Variants in MYH9 observed in about 807,000 individuals in gnomAD.
MYH9 encodes myosin heavy chain 9, also known as myosin-9.
MYH9 carries 29 observed loss-of-function variants against 241.9 expected under a neutral mutation model. That is an observed-to-expected ratio of 0.12 (90% CI 0.09 to 0.16). The LOEUF (loss-of-function observed/expected upper bound fraction) is 0.16, where lower values mean the gene tolerates loss of function less well. MYH9 is among the 10% of genes least tolerant of loss of function. The pLI is 1.00. For missense variants in MYH9, 1,803 were observed against 2,595.5 expected, an observed-to-expected ratio of 0.69 and a Z score of 6.63; for synonymous variants, 1,047 against 1,062.6, an observed-to-expected ratio of 0.99 and a Z score of 0.29.
rs2146337134 is a variant in MYH9, at chr22:36,293,949, C to T, written c.3838-86G>A. On this transcript the variant is annotated intron_variant, in intron 28 of 40. Coordinates refer to ENST00000216181, the MANE Select transcript of MYH9 (RefSeq NM_002473.6). This position sits in a 1 kb window ranked among gnomAD's most constrained non-coding sequence, Gnocchi z 5.1. Reference sequence around the variant, plus strand: ...TCATCTCCTTTAGGTAAAGCTGGACCTGAGTCACAAGCTGAACCATGAGGG... The same window carrying T: ...TCATCTCCTTTAGGTAAAGCTGGACTTGAGTCACAAGCTGAACCATGAGGG... The T allele has an allele frequency of 6.8e-7, 1 of 1,470,238 alleles. No homozygotes were observed. Among genetic ancestry groups the T allele is most frequent in the Non-Finnish European group, 9.4e-7 (1 of 1,069,282 alleles). 91.1% of individuals were successfully genotyped at this position (1,470,238 alleles called of 1,614,324 possible).
At chr22:36,374,066 AT>A (rs111444165) in intron 1 of MYH9, among the ~76,000 whole-genome samples, 1,904 of 142,840 alleles carry the variant, frequency 0.013, 18 homozygotes, top group African/African-American at 0.031. Context: ...CCCCCACCTT[AT>A]TTTTTTTTTT....
intron 10 of MYH9, among the ~76,000 whole-genome samples, chr22:36,319,148 T>C (rs566414976): frequency 2.6e-4 from 40 of 152,114 alleles, no homozygotes; most frequent in Non-Finnish European, 4.7e-4. Flanking sequence ...ATAACTTGCA[T>C]GGGGTCATTT....
At chr22:36,348,238 G>A (rs948152325) in intron 2 of MYH9, among the ~76,000 whole-genome samples, 4 of 150,996 alleles carry the variant, frequency 2.6e-5, no homozygotes, top group African/African-American at 9.7e-5. Context: ...GCCAGGTGCG[G>A]TGGCTCGCGC....
intron 3 of MYH9, among the ~76,000 whole-genome samples, chr22:36,333,394 G>A (rs569664229): frequency 6.6e-6 from 1 of 152,280 alleles, no homozygotes; most frequent in South Asian, 2.1e-4. Context: ...GCTTAGACCT[G>A]TGCCCTGTTG....
rs557772794 is a variant in MYH9 at position 36,362,025 on chromosome 22, C to T, written c.-19-12770G>A. On this transcript the variant is annotated intron_variant, in intron 1 of 40. Coordinates refer to ENST00000216181, the MANE Select transcript of MYH9 (RefSeq NM_002473.6). ...CAGAGGTTGCAGTGAGCCGAAATTG[C>T]GCCACTGTACTCCAGCCTGGGGGAC... 9.2e-5 allele frequency among the ~76,000 whole-genome samples: 14 copies of T among 152,198 alleles called. No homozygotes were observed. In the East Asian group the frequency reaches 9.7e-4, roughly 11 times the overall value.
chr22:36,311,448 C>T (rs2146353847), intron 14 of MYH9, among the ~76,000 whole-genome samples: 1 of 152,042 alleles, frequency 6.6e-6, no homozygotes, highest in East Asian at 1.9e-4. Flanking sequence ...GCTCCTAACT[C>T]TAGTGGGTAG....
chr22:36,306,476 C>T lies in MYH9; in HGVS notation c.1975G>A (p.Ala659Thr). The T allele has an allele frequency of 6.2e-7, 1 of 1,614,160 alleles. No individual in the cohort carries two copies. Among genetic ancestry groups the T allele is most frequent in the South Asian group, 1.1e-5 (1 of 91,080 alleles). ...LYKEQLAKLM[A>T]TLRNTNPNFV... ...TTGGGGTTCGTGTTCCTCAGCGTAG[C>T]CATCAGCTTGGCCAGCTGCTCCTTG... is the stretch of plus-strand genomic sequence containing the variant. The change falls in exon 16 of 41, where the codon GCT (alanine) becomes ACT (threonine). Residue 659 changes from alanine to threonine, a missense_variant. Ala to Thr is a moderately conservative substitution (Grantham distance 58, BLOSUM62 0). This residue lies in a region of MYH9 where 163 missense variants were observed against 349.7 expected (regional missense o/e 0.47). Transcript: ENST00000216181. The surrounding 1 kb of genome is among the most constrained non-coding windows in gnomAD (Gnocchi z 4.1).
intron 11 of MYH9, 128 bp downstream of exon 11, chr22:36,318,079 T>C: frequency 1.2e-6 from 1 of 837,542 alleles, no homozygotes; most frequent in East Asian, 2.4e-5. Context: ...CTGTGAGGAC[T>C]GCATCATGGA....
chr22:36,326,824 C>T (rs1181696972), intron 4 of MYH9, among the ~76,000 whole-genome samples, 163 bp from the exon 5 acceptor site: 1 of 152,222 alleles, frequency 6.6e-6, no homozygotes, highest in East Asian at 1.9e-4. Flanking sequence ...CTGGAATCCT[C>T]AGGCAGTTCA....
At chr22:36,371,998 C>T (rs2018097558) in intron 1 of MYH9, among the ~76,000 whole-genome samples, 1 of 151,912 alleles carries the variant, frequency 6.6e-6, no homozygotes, top group Admixed American at 6.6e-5. Flanking sequence ...TGATGTGTCC[C>T]CAGAACCTAG....
chr22:36,294,132 C>T lies in MYH9; in HGVS notation c.3797G>A (p.Arg1266His), dbSNP rs375738970. ...CTTGTCGGCCAGCTCTGTGCGCACG[C>T]GCTCTCCCTCGTTGAACTTGACCTG... is the stretch of plus-strand genomic sequence containing the variant. ...ELQVKFNEGE[R>H]VRTELADKVT... is the part of the protein sequence containing the mutation. The change falls in exon 28 of 41, where the codon CGC (arginine) becomes CAC (histidine). Residue 1266 changes from arginine (R) to histidine (H), a missense_variant. Coordinates refer to ENST00000216181, the MANE Select transcript of MYH9 (RefSeq NM_002473.6). 1.2e-5 allele frequency: 19 copies of T among 1,611,518 alleles called. No individual in the cohort carries two copies. Among genetic ancestry groups the T allele is most frequent in the African/African-American group, 8.0e-5 (6 of 74,922 alleles).
chr22:36,310,535 C>T (rs1351471138), intron 14 of MYH9, among the ~76,000 whole-genome samples: 4 of 152,230 alleles, frequency 2.6e-5, no homozygotes, highest in African/African-American at 9.6e-5. Flanking sequence ...CCCAGAGGTG[C>T]TCCCCTCAGT....
In MYH9 at chr22:36,304,165, AG is replaced by A. The variant is rs1237411764; in HGVS notation, c.2230-11del. ...GCTCCAGGGCTTTTATCTAGGTGGG[AG>A]GAGCAGGCCGTTTACCTGGCCAGCA... On this transcript the variant is annotated splice_polypyrimidine_tract_variant and intron_variant, in intron 18 of 40. Coordinates refer to ENST00000216181, the MANE Select transcript of MYH9 (RefSeq NM_002473.6). 6.2e-7 allele frequency: 1 copy of A among 1,613,046 alleles called. No homozygotes were observed. Among genetic ancestry groups the A allele is most frequent in the Non-Finnish European group, 8.5e-7 (1 of 1,179,980 alleles).
chr22:36,323,402 G>A (rs1485625721), intron 5 of MYH9, among the ~76,000 whole-genome samples: 1 of 152,206 alleles, frequency 6.6e-6, no homozygotes, highest in African/African-American at 2.4e-5. Flanking sequence ...ACTAACTAAC[G>A]CTGGCTAAGG....
chr22:36,342,927 G>A (rs571124900), intron 2 of MYH9, among the ~76,000 whole-genome samples: 2 of 152,304 alleles, frequency 1.3e-5, no homozygotes, highest in South Asian at 2.1e-4. Context: ...CCAGTTCTCC[G>A]AGCTCCTTCC....
chr22:36,287,041 T>C, intron 34 of MYH9, 195 bp from the exon 35 acceptor site: 1 of 715,102 alleles, frequency 1.4e-6, no homozygotes, highest in South Asian at 1.7e-5. Context: ...ATGCACACTT[T>C]GACAGTGTTC....
At chr22:36,372,133 C>G (rs1209350357) in intron 1 of MYH9, among the ~76,000 whole-genome samples, 1 of 152,040 alleles carries the variant, frequency 6.6e-6, no homozygotes, top group Non-Finnish European at 1.5e-5. Context: ...CTGTTGCTTT[C>G]TCTATTCCTT....
Position 36,293,893 on chromosome 22 carries a change from A to C in MYH9, c.3838-30T>G, listed in dbSNP as rs757821395. ...ACCGGGCGGGGAGACACAAAGGACCATGGACCCACCCCCACTGCTCCTGCC... is the reference window on the plus strand; with the variant it reads ...ACCGGGCGGGGAGACACAAAGGACCCTGGACCCACCCCCACTGCTCCTGCC... On this transcript the variant is annotated intron_variant, in intron 28 of 40. Transcript: ENST00000216181. The surrounding 1 kb of genome is among the most constrained non-coding windows in gnomAD (Gnocchi z 5.1). The C allele has an allele frequency of 1.3e-6, 2 of 1,595,300 alleles. No individual in the cohort carries two copies. The highest frequency in any genetic ancestry group is 3.4e-5 in the Admixed American group (2 of 58,676).
At chr22:36,377,719 C>T (rs1365107317) in intron 1 of MYH9, among the ~76,000 whole-genome samples, 1 of 151,490 alleles carries the variant, frequency 6.6e-6, no homozygotes, top group Non-Finnish European at 1.5e-5. Context: ...ACCATCCTGG[C>T]TAACACGGTG....
Sources: allele counts gnomAD v4.1 joint callset (sites outside exome capture counted in the v4.1 genomes callset), GRCh38; gene constraint gnomAD v4.1.1; regional missense constraint gnomAD v4.1.1; non-coding constraint Gnocchi (gnomAD v3.1); transcripts MANE v1.5; gene names NCBI Gene and HGNC (gene_info 2026-07-23, HGNC 2026-07-21).